Variants in PPA2 observed in about 807,000 individuals in gnomAD.
PPA2 encodes the protein inorganic pyrophosphatase 2, also known as inorganic pyrophosphatase 2, mitochondrial.
A neutral mutation model predicts 49.5 loss-of-function variants in PPA2; 48 were observed. The ratio of observed to expected loss-of-function variants is 0.97; its 90% confidence interval spans 0.77 to 1.23. PPA2 has a LOEUF of 1.23. PPA2 is among the 50% of genes most tolerant of loss of function. The pLI, the probability that PPA2 is intolerant of heterozygous loss-of-function variation, is 0.00. For synonymous variants in PPA2, 131 were observed against 139.9 expected, an observed-to-expected ratio of 0.94 and a Z score of 0.45; for missense variants, 429 against 410.1, an observed-to-expected ratio of 1.05 and a Z score of -0.40.
intron 1 of PPA2, among the ~76,000 whole-genome samples, chr4:105,469,895 C>T (rs1405750129): frequency 2.0e-5 from 3 of 152,156 alleles, no homozygotes; most frequent in African/African-American, 7.2e-5. Context: ...TCCAAAGATA[C>T]AGCACTTTCA....
At chr4:105,422,942 T>C (rs1291034011) in intron 7 of PPA2, among the ~76,000 whole-genome samples, 2 of 152,318 alleles carry the variant, frequency 1.3e-5, no homozygotes, top group East Asian at 3.9e-4. Flanking sequence ...ATGAATTAGG[T>C]GGATGATTTG....
At chr4:105,467,544 G>A (rs1330735608) in intron 1 of PPA2, among the ~76,000 whole-genome samples, 1 of 152,186 alleles carries the variant, frequency 6.6e-6, no homozygotes, top group South Asian at 2.1e-4. Flanking sequence ...AGCAGAGCTT[G>A]TACATTATCT....
intron 6 of PPA2, among the ~76,000 whole-genome samples, chr4:105,429,363 A>C (rs1177896327): frequency 6.6e-6 from 1 of 152,126 alleles, no homozygotes; most frequent in East Asian, 1.9e-4. Flanking sequence ...TGTCACTGGC[A>C]GCTATCATCA....
intron 1 of PPA2, among the ~76,000 whole-genome samples, chr4:105,463,103 T>C (rs545443051): frequency 6.6e-6 from 1 of 152,296 alleles, no homozygotes; most frequent in South Asian, 2.1e-4. Flanking sequence ...TCTGGAGGGC[T>C]CTGAAGAAGA....
At chr4:105,466,304 T>C (rs1390097669) in intron 1 of PPA2, among the ~76,000 whole-genome samples, 2 of 151,986 alleles carry the variant, frequency 1.3e-5, no homozygotes, top group African/African-American at 4.8e-5. Flanking sequence ...TTCTTGAATA[T>C]ATGCACTGTA....
At chr4:105,450,113 A>T (rs1722603245) in intron 3 of PPA2, among the ~76,000 whole-genome samples, 2 of 152,130 alleles carry the variant, frequency 1.3e-5, no homozygotes, top group African/African-American at 4.8e-5. Context: ...ATGAGTAAAA[A>T]TAATTCCCTA....
At chr4:105,409,127 G>A (rs950423610) in intron 7 of PPA2, among the ~76,000 whole-genome samples, 24 of 152,156 alleles carry the variant, frequency 1.6e-4, no homozygotes, top group Non-Finnish European at 7.4e-5. Context: ...ACAAGGGATC[G>A]GGGATTTCCC....
intron 6 of PPA2, among the ~76,000 whole-genome samples, chr4:105,430,770 T>C (rs567645645): frequency 2.5e-4 from 38 of 152,304 alleles, no homozygotes; most frequent in African/African-American, 8.4e-4. Flanking sequence ...GTGAAATATT[T>C]ATAAGGAAAA....
chr4:105,399,069 G>C lies in PPA2; in HGVS notation c.751C>G (p.Gln251Glu). The change falls in exon 8 of 12, where the codon CAG becomes GAG. Residue 251 changes from glutamine (Q) to glutamate (E), a missense_variant. By Grantham distance (29) the Gln-to-Glu change is conservative. Transcript: ENST00000341695. ...YKVPDGKPEN[Q>E]FAFNGEFKNK... is the part of the protein sequence containing the mutation. ...TTGAATTCTCCATTAAAAGCAAACT[G>C]GTTTTCTGGTTTTCCATCTGGTACC... 6.2e-7 allele frequency: 1 copy of C among 1,608,304 alleles called. No homozygotes were observed. Among genetic ancestry groups the C allele is most frequent in the South Asian group, 1.1e-5 (1 of 89,142 alleles).
chr4:105,371,886 A>G (rs1197442425), intron 10 of PPA2, among the ~76,000 whole-genome samples: 3 of 152,126 alleles, frequency 2.0e-5, no homozygotes, highest in African/African-American at 7.2e-5. Flanking sequence ...AGAGGAAGGA[A>G]AAGAGGCCCT....
Position 105,405,241 on chromosome 4 carries a change from G to A in PPA2, c.656-6077C>T, listed in dbSNP as rs796362493. On this transcript the variant is annotated intron_variant, in intron 7 of 11. Transcript: ENST00000341695. ...AGGCATAGTTATAAACAAACACAAA[G>A]ACTAAAAATAACATATATAAAAAGT... 1.6e-5 allele frequency: 12 copies of A among 732,906 alleles called. 1 individual carries two copies. In the African/African-American group the frequency reaches 2.3e-4, roughly 14 times the overall value. The allele number at this position is 732,906 out of a possible 1,614,324, so 45.4% of individuals were successfully genotyped here. A position where few individuals can be genotyped will look rare whatever the true frequency, so the allele number is the denominator to read the frequency against.
intron 6 of PPA2, among the ~76,000 whole-genome samples, chr4:105,435,345 G>GC (rs1330864315): frequency 1.3e-5 from 2 of 152,160 alleles, no homozygotes; most frequent in Non-Finnish European, 2.9e-5. Context: ...GATGATATGT[G>GC]AATTCATGAA....
chr4:105,395,176 T>G (rs74371541), intron 9 of PPA2, among the ~76,000 whole-genome samples: 2 of 51,686 alleles, frequency 3.9e-5, no homozygotes, highest in Non-Finnish European at 1.0e-4. Flanking sequence ...ACAAAGTCAA[T>G]TATCTTCAAT....
rs1733694668 is a variant in PPA2 at position 105,386,600 on chromosome 4, G to GC, written c.905dup (p.Cys302TrpfsTer11). ...CTAATGATCTTGCTTCCTCTTGAGTGCAACGGAAAGGGCTATCAGATATCT... is the reference window on the plus strand; with the variant it reads ...CTAATGATCTTGCTTCCTCTTGAGTGCCAACGGAAAGGGCTATCAGATATCT... On this transcript the variant is annotated frameshift_variant, in exon 10 of 12. Coordinates refer to ENST00000341695, the MANE Select transcript of PPA2 (RefSeq NM_176869.3). LOFTEE classifies it high-confidence loss of function. The GC allele has an allele frequency of 1.2e-6, 2 of 1,612,454 alleles. No homozygotes were observed. The highest frequency in any genetic ancestry group is 2.7e-5 in the African/African-American group (2 of 74,830).
upstream of PPA2, chr4:105,474,070 C>G (rs535685399): frequency 2.6e-6 from 4 of 1,528,394 alleles, no homozygotes; most frequent in East Asian, 9.8e-5. Flanking sequence ...GACGGTCCTG[C>G]TGTGCGCGCG....
intron 1 of PPA2, among the ~76,000 whole-genome samples, chr4:105,467,885 T>C (rs901133116): frequency 2.6e-5 from 4 of 152,206 alleles, no homozygotes; most frequent in Admixed American, 6.5e-5. Context: ...GAGTTGTATC[T>C]TAAACATTTA....
At chr4:105,391,641 T>C (rs1267808118) in intron 9 of PPA2, among the ~76,000 whole-genome samples, 1 of 151,952 alleles carries the variant, frequency 6.6e-6, no homozygotes, top group African/African-American at 2.4e-5. Flanking sequence ...AAACTGCTTC[T>C]CGAAAAAATG....
At chr4:105,437,045 G>A (rs1724092714) in intron 6 of PPA2, among the ~76,000 whole-genome samples, 1 of 151,976 alleles carries the variant, frequency 6.6e-6, no homozygotes. Flanking sequence ...CAGAATGGGA[G>A]AAAAAATCTG....
chr4:105,406,383 G>A lies in PPA2; in HGVS notation c.656-7219C>T, dbSNP rs150773767. 3.9e-3 allele frequency among the ~76,000 whole-genome samples: 588 copies of A among 152,044 alleles called. 4 individuals carry two copies. The highest frequency in any genetic ancestry group is 0.012 in the African/African-American group (507 of 41,492). On this transcript the variant is annotated intron_variant, in intron 7 of 11. Transcript: ENST00000341695. The stretch of plus-strand genomic sequence containing the variant: ...ACGCAGGTAAGAAAACAGAGCCCCC[G>A]CAAAAGTGAAATAATAATGGCAAAC...
Sources: allele counts gnomAD v4.1 joint callset (sites outside exome capture counted in the v4.1 genomes callset), GRCh38; gene constraint gnomAD v4.1.1; transcripts MANE v1.5; gene names NCBI Gene and HGNC (gene_info 2026-07-23, HGNC 2026-07-21).